GALNT2: variants seen among roughly 807,000 people sequenced by gnomAD.
The protein encoded by GALNT2 is UDP-GalNAc:polypeptide N-acetylgalactosaminyltransferase 2.
GALNT2 carries 31 observed loss-of-function variants against 81.4 expected under a neutral mutation model. That is an observed-to-expected ratio of 0.38 (90% CI 0.29 to 0.51). GALNT2 has a LOEUF of 0.51. Among genes scored for constraint, GALNT2 ranks in the 20% least tolerant of loss-of-function variants. The pLI is 0.87. For synonymous variants in GALNT2, 303 were observed against 287.4 expected, an observed-to-expected ratio of 1.05 and a Z score of -0.55; for missense variants, 629 against 765.7, an observed-to-expected ratio of 0.82 and a Z score of 2.11.
intron 2 of GALNT2, among the ~76,000 whole-genome samples, chr1:230,192,853 C>T (rs1271575389): frequency 6.6e-6 from 1 of 152,172 alleles, no homozygotes; most frequent in African/African-American, 2.4e-5. Flanking sequence ...CGGTTTCTCA[C>T]AGGTGAAGAA....
chr1:230,155,137 C>T (rs927855743), intron 1 of GALNT2, among the ~76,000 whole-genome samples: 2 of 152,144 alleles, frequency 1.3e-5, no homozygotes, highest in Non-Finnish European at 2.9e-5. Context: ...CAGTTTTCTG[C>T]GGAAGTATTT....
At chr1:230,139,428 A>G (rs1661659808) in intron 1 of GALNT2, among the ~76,000 whole-genome samples, 1 of 152,078 alleles carries the variant, frequency 6.6e-6, no homozygotes, top group Non-Finnish European at 1.5e-5. Context: ...CTAGGCTAAG[A>G]CAGCACAGTG....
chr1:230,090,731 T>C (rs983901400), intron 1 of GALNT2, among the ~76,000 whole-genome samples: 3 of 152,244 alleles, frequency 2.0e-5, no homozygotes, highest in Non-Finnish European at 4.4e-5. Flanking sequence ...TAGTTGAAGC[T>C]TATTATTTTC....
chr1:230,175,485 C>T (rs1662940118), intron 1 of GALNT2, among the ~76,000 whole-genome samples: 1 of 152,054 alleles, frequency 6.6e-6, no homozygotes, highest in Non-Finnish European at 1.5e-5. Flanking sequence ...TGGGGCTTGG[C>T]ACCTCGTAAA....
chr1:230,104,248 C>T (rs1660477893), intron 1 of GALNT2, among the ~76,000 whole-genome samples: 1 of 152,156 alleles, frequency 6.6e-6, no homozygotes, highest in Non-Finnish European at 1.5e-5. Flanking sequence ...GCTCCCCGAA[C>T]AGGGTCTCTC....
At chr1:230,136,335 C>T (rs770258687) in intron 1 of GALNT2, among the ~76,000 whole-genome samples, 5 of 152,192 alleles carry the variant, frequency 3.3e-5, no homozygotes, top group Non-Finnish European at 5.9e-5. Context: ...ATGTCTGGCA[C>T]CAGCCATCCT....
At position 230,070,354 on chromosome 1, in the gene GALNT2, C is replaced by T. The variant is rs1414317601; in HGVS notation, c.126+2948C>T. On this transcript the variant is annotated intron_variant, in intron 1 of 15. Coordinates refer to ENST00000366672, the MANE Select transcript of GALNT2 (RefSeq NM_004481.5). This position sits in a 1 kb window ranked among gnomAD's most constrained non-coding sequence, Gnocchi z 4.7. ...TTAAAATTTTAACCATGTTAAGTCTCCCCTGGGCTTTGGTACGTTGGCAGT... is the reference window on the plus strand; with the variant it reads ...TTAAAATTTTAACCATGTTAAGTCTTCCCTGGGCTTTGGTACGTTGGCAGT... 2.6e-5 allele frequency among the ~76,000 whole-genome samples: 4 copies of T among 152,260 alleles called. No homozygotes were observed. The highest frequency in any genetic ancestry group is 4.1e-4 in the South Asian group (2 of 4,822).
At chr1:230,091,035 T>G (rs56172339) in intron 1 of GALNT2, among the ~76,000 whole-genome samples, 6,201 of 152,026 alleles carry the variant, frequency 0.041, 418 homozygotes, top group African/African-American at 0.14. Context: ...ACTCCTGGGG[T>G]GTGTGTACTC....
intron 3 of GALNT2, among the ~76,000 whole-genome samples, chr1:230,212,073 C>T (rs1044902711): frequency 3.9e-5 from 6 of 152,124 alleles, no homozygotes; most frequent in Non-Finnish European, 7.4e-5. Context: ...GCCTTAGTCC[C>T]CAGGGATTTT....
intron 2 of GALNT2, among the ~76,000 whole-genome samples, chr1:230,198,992 A>G (rs1186964120): frequency 6.6e-6 from 1 of 152,068 alleles, no homozygotes; most frequent in Non-Finnish European, 1.5e-5. Flanking sequence ...CTGCCTCCTC[A>G]TGTAAAATGT....
rs181557774 is a variant in GALNT2 at position 230,255,835 on chromosome 1, C to T, written c.1136+491C>T. On this transcript the variant is annotated intron_variant, in intron 11 of 15. Coordinates refer to ENST00000366672, the MANE Select transcript of GALNT2 (RefSeq NM_004481.5). ...TTAAAGAAGAAAGTTCATTTTATAA[C>T]CATTCAAGGTGCAATTAAAAGCAAC... Among the ~76,000 whole-genome samples the T allele has an allele frequency of 2.6e-5, 4 of 152,294 alleles. No homozygotes were observed. The East Asian group carries it at 5.8e-4, about 22-fold the overall frequency.
chr1:230,075,793 G>A (rs1659533165), intron 1 of GALNT2, among the ~76,000 whole-genome samples: 1 of 152,176 alleles, frequency 6.6e-6, no homozygotes, highest in Non-Finnish European at 1.5e-5. Flanking sequence ...TAGGGATGAG[G>A]GCGGAAGGAT....
At chr1:230,207,958 G>A (rs755399190) in intron 3 of GALNT2, among the ~76,000 whole-genome samples, 3 of 151,948 alleles carry the variant, frequency 2.0e-5, no homozygotes, top group Non-Finnish European at 4.4e-5. Context: ...CTATCTTGGC[G>A]GTACATGTGA....
intron 12 of GALNT2, 66 bp downstream of exon 12, chr1:230,262,731 G>A (rs1665916860): frequency 1.8e-5 from 26 of 1,459,268 alleles, no homozygotes; most frequent in Non-Finnish European, 2.4e-5. Context: ...GGGAGGTAAG[G>A]GGCTGCCCCC....
In GALNT2 at chr1:230,236,338, CTT is replaced by C. The variant is rs1410833094; in HGVS notation, c.474-14_474-13del. 1 of 1,612,148 alleles carries C rather than the reference CTT, an allele frequency of 6.2e-7. No homozygotes were observed. ...CTAAAAGACCTATAAACTTTATCTT[CTT>C]GTCTTTTCTTAGCGTGCTTAAGAAA... On this transcript the variant is annotated splice_polypyrimidine_tract_variant and intron_variant, in intron 4 of 15. Transcript: ENST00000366672.
chr1:230,071,110 G>C (rs1488366170), intron 1 of GALNT2, among the ~76,000 whole-genome samples: 4 of 152,128 alleles, frequency 2.6e-5, no homozygotes, highest in Non-Finnish European at 5.9e-5. Flanking sequence ...AAAAATAAAA[G>C]CCTAAATATC....
Position 230,250,454 on chromosome 1 carries a change from T to C in GALNT2, c.906-3T>C. On this transcript the variant is annotated splice_region_variant and splice_polypyrimidine_tract_variant and intron_variant, in intron 9 of 15. Coordinates refer to ENST00000366672, the MANE Select transcript of GALNT2 (RefSeq NM_004481.5). Reference sequence around the variant, plus strand: ...CTCCCCCCTCTTCTTTCTGCCTCTTTAGAACCCCCATGATTGCTGGTGGGC... The same window carrying C: ...CTCCCCCCTCTTCTTTCTGCCTCTTCAGAACCCCCATGATTGCTGGTGGGC... 6.2e-7 allele frequency: 1 copy of C among 1,613,316 alleles called. No homozygotes were observed. The highest frequency in any genetic ancestry group is 1.1e-5 in the South Asian group (1 of 91,002).
intron 1 of GALNT2, among the ~76,000 whole-genome samples, chr1:230,123,145 G>T (rs1244375600): frequency 2.6e-5 from 4 of 152,164 alleles, no homozygotes; most frequent in African/African-American, 9.7e-5. Context: ...TTGGCATCGT[G>T]GTCACAGCTA....
chr1:230,255,476 G>A (rs1665683269), intron 11 of GALNT2, 132 bp downstream of exon 11: 17 of 1,237,250 alleles, frequency 1.4e-5, no homozygotes, highest in African/African-American at 1.5e-5. Context: ...ATACCACTTA[G>A]CAATTGAAAG....
Sources: allele counts gnomAD v4.1 joint callset (sites outside exome capture counted in the v4.1 genomes callset), GRCh38; gene constraint gnomAD v4.1.1; non-coding constraint Gnocchi (gnomAD v3.1); transcripts MANE v1.5; gene names NCBI Gene and HGNC (gene_info 2026-07-23, HGNC 2026-07-21).